REEP2: variants seen among roughly 807,000 people sequenced by gnomAD.
The protein encoded by REEP2 is receptor expression-enhancing protein 2.
In REEP2, 9 loss-of-function variants were observed where a neutral mutation model predicts 32.1. The ratio of observed to expected loss-of-function variants is 0.28; its 90% CI spans 0.17 to 0.49. The LOEUF (loss-of-function observed/expected upper bound fraction) is 0.49, where lower values mean the gene tolerates loss of function less well. Among genes scored for constraint, REEP2 ranks in the 20% least tolerant of loss-of-function variants. The probability of loss-of-function intolerance (pLI) is 0.99; values close to 1 mark genes in which losing one functional copy is unlikely to be tolerated. For missense variants in REEP2, 236 were observed against 338.0 expected (o/e 0.70, Z 2.37); for synonymous variants, 128 against 139.1 (o/e 0.92, Z 0.56).
intron 5 of REEP2, 100 bp from the exon 6 acceptor site, chr5:138,445,128 G>A: frequency 1.5e-6 from 2 of 1,317,436 alleles, no homozygotes; most frequent in Non-Finnish European, 2.1e-6. Flanking sequence ...GACAGTGTGG[G>A]GAGGGCACCG....
chr5:138,439,793 G>A (rs1763788585), intron 1 of REEP2: 1 of 455,734 alleles, frequency 2.2e-6, no homozygotes, highest in Non-Finnish European at 4.4e-6. Context: ...TGGGTATCGG[G>A]AAGCAGAAAT....
intron 3 of REEP2, 132 bp from the exon 4 acceptor site, chr5:138,444,283 T>G: frequency 9.6e-7 from 1 of 1,042,896 alleles, no homozygotes; most frequent in Non-Finnish European, 1.4e-6. Flanking sequence ...AGCAGTCCCA[T>G]GAGCCCCATG....
Position 138,445,857 on chromosome 5 carries a change from C to A in REEP2, c.*106C>A. On this transcript the variant is annotated 3_prime_UTR_variant, in exon 8 of 8. Transcript: ENST00000378339. ...CCAGTAGCCTAGGTGTCTCAGGCCCCTGGGCCCCGCAGATGGCCATTTCCG... is the reference window on the plus strand; with the variant it reads ...CCAGTAGCCTAGGTGTCTCAGGCCCATGGGCCCCGCAGATGGCCATTTCCG... The A allele has an allele frequency of 8.9e-7, 1 of 1,128,742 alleles. No individual in the cohort carries two copies. The highest frequency in any genetic ancestry group is 1.6e-5 in the South Asian group (1 of 63,978). The allele number at this position is 1,128,742 out of a possible 1,614,324, so 69.9% of individuals were successfully genotyped here.
intron 3 of REEP2, among the ~76,000 whole-genome samples, chr5:138,443,310 A>G (rs1763861548): frequency 1.3e-5 from 2 of 151,478 alleles, no homozygotes; most frequent in African/African-American, 4.8e-5. Context: ...AAAATACAAA[A>G]TTAGCCGGGC....
In REEP2 at chr5:138,441,192, GC is replaced by G. The variant is rs1763817305; in HGVS notation, c.105+106del. The G allele has an allele frequency of 6.7e-7, 1 of 1,484,814 alleles. No individual in the cohort carries two copies. Among genetic ancestry groups the G allele is most frequent in the African/African-American group, 1.4e-5 (1 of 72,302 alleles). 92.0% of individuals were successfully genotyped at this position (1,484,814 alleles called of 1,614,324 possible). Reference sequence around the variant, plus strand: ...GGGTGACTTTGCACCAACACTGTCAGCCACTAACAAGACCCACCAGCAAAGG... The same window carrying G: ...GGGTGACTTTGCACCAACACTGTCAGCACTAACAAGACCCACCAGCAAAGG... On this transcript the variant is annotated intron_variant, in intron 2 of 7. Coordinates refer to ENST00000378339, the MANE Select transcript of REEP2 (RefSeq NM_001271803.2). The surrounding 1 kb of genome is among the most constrained non-coding windows in gnomAD (Gnocchi z 4.4).
chr5:138,445,632 C>G, intron 7 of REEP2, 34 bp downstream of exon 7: 4 of 1,614,120 alleles, frequency 2.5e-6, no homozygotes, highest in Non-Finnish European at 3.4e-6. Flanking sequence ...GGGAAACAGG[C>G]AGGGGGTGGC....
intron 5 of REEP2, 67 bp from the exon 6 acceptor site, chr5:138,445,161 C>G (rs1041374881): frequency 1.3e-5 from 20 of 1,501,908 alleles, no homozygotes; most frequent in Non-Finnish European, 1.8e-5. Flanking sequence ...CTGCCAGCAC[C>G]ATGGTGACCT....
Position 138,439,166 on chromosome 5 carries a change from C to T in REEP2, c.-43C>T, listed in dbSNP as rs770540044. On this transcript the variant is annotated 5_prime_UTR_variant, in exon 1 of 8. Coordinates refer to ENST00000378339, the MANE Select transcript of REEP2 (RefSeq NM_001271803.2). ...GCTCGGCCTCAGGCAGCTGCATCCT[C>T]GGCCGGGCCGGGTCCCCGCCCCGCG... 9.1e-6 allele frequency: 12 copies of T among 1,322,134 alleles called. No individual in the cohort carries two copies. The highest frequency in any genetic ancestry group is 1.2e-5 in the Non-Finnish European group (12 of 1,035,168). The allele number at this position is 1,322,134 out of a possible 1,614,324, so 81.9% of individuals were successfully genotyped here. A position where few individuals can be genotyped will look rare whatever the true frequency, so the allele number is the denominator to read the frequency against.
chr5:138,444,619 C>T, intron 4 of REEP2, 84 bp downstream of exon 4: 4 of 1,576,154 alleles, frequency 2.5e-6, no homozygotes, highest in Non-Finnish European at 1.7e-6. Flanking sequence ...GACTGGCCCT[C>T]CCTGTGGGGC....
intron 1 of REEP2, chr5:138,439,940 G>A: frequency 8.2e-6 from 3 of 364,448 alleles, no homozygotes; most frequent in Non-Finnish European, 1.6e-5. Flanking sequence ...CTGTGTCTCT[G>A]GCACCTCCCC....
At chr5:138,445,190 T>C (rs1763903086) in intron 5 of REEP2, 38 bp from the exon 6 acceptor site, 3 of 1,546,798 alleles carry the variant, frequency 1.9e-6, no homozygotes, top group Admixed American at 4.1e-5. Context: ...ACCCCGCCCC[T>C]TCCCCCCGGC....
At position 138,445,373 on chromosome 5, in the gene REEP2, T is replaced by G; in HGVS notation, c.563T>G (p.Leu188Ter). 6.2e-7 allele frequency: 1 copy of G among 1,612,298 alleles called. No individual in the cohort carries two copies. The highest frequency in any genetic ancestry group is 8.5e-7 in the Non-Finnish European group (1 of 1,179,182). Residue 188 changes from leucine (L) to a stop codon, truncating the protein, a stop_gained and splice_region_variant, in exon 6 of 8, where the codon TTA becomes TGA. Transcript: ENST00000378339. LOFTEE classifies it high-confidence loss of function. ...AGCCTCCTGGACACCATCGAGGACTTAGGTACAGGCAGGGCCCGGGGTTGG... is the reference window on the plus strand; with the variant it reads ...AGCCTCCTGGACACCATCGAGGACTGAGGTACAGGCAGGGCCCGGGGTTGG... Reference protein sequence around the residue: ...PGSLLDTIEDLGDDPALSLRS... With the variant: ...PGSLLDTIED
At chr5:138,444,937 G>C in intron 5 of REEP2, 70 bp downstream of exon 5, 13 of 1,167,212 alleles carry the variant, frequency 1.1e-5, no homozygotes, top group Non-Finnish European at 1.6e-5. Context: ...AGGCCCCTTT[G>C]CATCCACCCT....
Position 138,444,686 on chromosome 5 carries a change from C to T in REEP2, c.304-68C>T, listed in dbSNP as rs1763891171. 1.3e-5 allele frequency: 20 copies of T among 1,567,502 alleles called. No individual in the cohort carries two copies. In the South Asian group the frequency reaches 2.0e-4, roughly 16 times the overall value. On this transcript the variant is annotated intron_variant, in intron 4 of 7. Transcript: ENST00000378339. The stretch of plus-strand genomic sequence containing the variant: ...GTGGCCTCCCGGAGCAGGCAGGGGC[C>T]TCTGTCCAGGGGTGAACAAGGGTAG...
intron 3 of REEP2, 152 bp from the exon 4 acceptor site, chr5:138,444,263 A>T: frequency 1.2e-6 from 1 of 820,984 alleles, no homozygotes. Context: ...ACCCTTTCAG[A>T]TTAGAAAGGA....
chr5:138,444,688 C>CTG, intron 4 of REEP2, 66 bp from the exon 5 acceptor site: 1 of 1,568,188 alleles, frequency 6.4e-7, no homozygotes, highest in East Asian at 2.3e-5. Context: ...GCAGGGGCCT[C>CTG]TGTCCAGGGG....
rs1296305261 is a variant in REEP2 at position 138,446,793 on chromosome 5, A to C, written c.*1042A>C. On this transcript the variant is annotated 3_prime_UTR_variant, in exon 8 of 8. Coordinates refer to ENST00000378339, the MANE Select transcript of REEP2 (RefSeq NM_001271803.2). ...GGCCCTAAGACCCCTGGCAGAACCC[A>C]GCCTCTGCTCACACCCGCCCCAGCT... The C allele has an allele frequency of 6.6e-6, 1 of 152,290 alleles. No homozygotes were observed. The highest frequency in any genetic ancestry group is 1.5e-5 in the Non-Finnish European group (1 of 68,148). The allele number at this position is 152,290 out of a possible 1,614,324, so 9.4% of individuals were successfully genotyped here. A position where few individuals can be genotyped will look rare whatever the true frequency, so the allele number is the denominator to read the frequency against.
At chr5:138,442,509 G>A (rs1273442120) in intron 3 of REEP2, among the ~76,000 whole-genome samples, 2 of 151,938 alleles carry the variant, frequency 1.3e-5, no homozygotes, top group African/African-American at 2.4e-5. Flanking sequence ...TCAGGAGATC[G>A]AGACCATCCT....
At position 138,440,821 on chromosome 5, in the gene REEP2, G is replaced by A. The variant is rs542323570; in HGVS notation, c.33-195G>A. 192 of 1,056,834 alleles carry A rather than the reference G, an allele frequency of 1.8e-4. 1 individual carries two copies. The African/African-American group carries it at 2.7e-3, about 15-fold the overall frequency. The allele number at this position is 1,056,834 out of a possible 1,614,324, so 65.5% of individuals were successfully genotyped here. A position where few individuals can be genotyped will look rare whatever the true frequency, so the allele number is the denominator to read the frequency against. On this transcript the variant is annotated intron_variant, in intron 1 of 7. Transcript: ENST00000378339. Reference sequence around the variant, plus strand: ...GGCTAGAGAAAAACTGAACAGTGGAGCGGGGAGGGGGCATCACCCTACCTG... The same window carrying A: ...GGCTAGAGAAAAACTGAACAGTGGAACGGGGAGGGGGCATCACCCTACCTG...
Sources: gnomAD v4.1 joint callset for allele counts (sites outside exome capture counted in the v4.1 genomes callset) on GRCh38, gnomAD v4.1.1 for gene constraint, Gnocchi (gnomAD v3.1) non-coding constraint, MANE v1.5 for transcripts, NCBI Gene and HGNC (gene_info 2026-07-23, HGNC 2026-07-21) for gene names.